The following ZSWIM2 variants were observed in gnomAD, a reference collection of about 807,000 sequenced individuals.
ZSWIM2 encodes E3 ubiquitin-protein ligase ZSWIM2.
A neutral mutation model predicts 48.4 loss-of-function variants in ZSWIM2; 38 were observed. That is an observed-to-expected ratio of 0.79 (90% CI 0.61 to 1.03). The LOEUF is 1.03. Among genes scored for constraint, ZSWIM2 ranks in the 50% least tolerant of loss-of-function variants. ZSWIM2 has a pLI of 0.00. For synonymous variants in ZSWIM2, 240 were observed against 251.3 expected (o/e 0.96, Z 0.42); for missense variants, 776 against 730.2 (o/e 1.06, Z -0.72).
In ZSWIM2 at chr2:186,839,062, C is replaced by T. The variant is rs1041232779; in HGVS notation, c.391G>A (p.Glu131Lys). The change falls in exon 4 of 9, where the codon GAA becomes AAA. Residue 131 changes from glutamate (E) to lysine (K), a missense_variant. Transcript: ENST00000295131. ...TTCTGTTTAATGTACCCATCTTCTT[C>T]AACATGTTCATTTTCGTCATTTGTT... The part of the protein sequence containing the change: ...PGTNDENEHV[E>K]EDGYIKQKEI... 3.1e-6 allele frequency: 5 copies of T among 1,611,814 alleles called. No homozygotes were observed. The highest frequency in any genetic ancestry group is 1.6e-4 in the Middle Eastern group (1 of 6,078).
At position 186,848,764 on chromosome 2, in the gene ZSWIM2, A is replaced by C. The variant is rs1574144532; in HGVS notation, c.165+202T>G. On this transcript the variant is annotated intron_variant, in intron 1 of 8. Transcript: ENST00000295131. ...TGCAGTTTGGTCTTAACCTCCAAAA[A>C]AGAAACTTCTAATAAATACTATTTC... 2.9e-5 allele frequency: 18 copies of C among 615,532 alleles called. No individual in the cohort carries two copies. The South Asian group carries it at 3.8e-4, about 13-fold the overall frequency. The allele number at this position is 615,532 out of a possible 1,614,324, so 38.1% of individuals were successfully genotyped here.
Position 186,828,695 on chromosome 2 carries a change from A to T in ZSWIM2, c.1191T>A (p.Asn397Lys). The T allele has an allele frequency of 6.2e-7, 1 of 1,613,030 alleles. No homozygotes were observed. The highest frequency in any genetic ancestry group is 1.1e-5 in the South Asian group (1 of 91,008). ...GATGTGCTTGTCCATTCACTGCTGAATTTTTCCAAGTTAAAGGGTTATATA... is the reference window on the plus strand; with the variant it reads ...GATGTGCTTGTCCATTCACTGCTGATTTTTTCCAAGTTAAAGGGTTATATA... ...QVIYNPLTWK[N>K]SAVNGQAHQS... Residue 397 changes from asparagine (N) to lysine (K), a missense_variant, in exon 9 of 9, where the codon AAT becomes AAA. By Grantham distance (94) the Asn-to-Lys change is moderately conservative. Coordinates refer to ENST00000295131, the MANE Select transcript of ZSWIM2 (RefSeq NM_182521.3).
chr2:186,834,080 G>A (rs752424883), intron 5 of ZSWIM2, 50 bp from the exon 6 acceptor site: 1 of 1,454,164 alleles, frequency 6.9e-7, no homozygotes. Flanking sequence ...TCCAATTATT[G>A]TGATGGTTTT....
At chr2:186,831,399 T>C (rs1470887149) in intron 7 of ZSWIM2, among the ~76,000 whole-genome samples, 1 of 136,102 alleles carries the variant, frequency 7.3e-6, no homozygotes. Context: ...TATAAATATA[T>C]ATTATATATA....
chr2:186,844,923 CTT>C (rs1364519100), intron 2 of ZSWIM2, among the ~76,000 whole-genome samples, 166 bp from the exon 3 acceptor site: 1 of 151,378 alleles, frequency 6.6e-6, no homozygotes, highest in African/African-American at 2.4e-5. Context: ...AGTTGTTAAA[CTT>C]ATGTTTTAAA....
chr2:186,836,823 A>G (rs986621832), intron 5 of ZSWIM2, among the ~76,000 whole-genome samples: 1 of 152,144 alleles, frequency 6.6e-6, no homozygotes, highest in African/African-American at 2.4e-5. Context: ...GATATGAAAT[A>G]AAACAAAACC....
At chr2:186,831,026 A>C (rs1427593958) in intron 7 of ZSWIM2, among the ~76,000 whole-genome samples, 1 of 152,132 alleles carries the variant, frequency 6.6e-6, no homozygotes, top group Non-Finnish European at 1.5e-5. Flanking sequence ...GTACTCTTTT[A>C]AGGTTGTTAC....
At chr2:186,846,993 T>C (rs1280053790) in intron 2 of ZSWIM2, among the ~76,000 whole-genome samples, 1 of 151,494 alleles carries the variant, frequency 6.6e-6, no homozygotes, top group East Asian at 1.9e-4. Flanking sequence ...CATGGACATA[T>C]AGAGTGAAAT....
chr2:186,836,662 C>A (rs1219088263), intron 5 of ZSWIM2, among the ~76,000 whole-genome samples: 4 of 152,010 alleles, frequency 2.6e-5, no homozygotes, highest in Non-Finnish European at 4.4e-5. Context: ...GTACTGTTAA[C>A]TTAAAATTTT....
At chr2:186,838,234 AAAAAT>A (rs1384902824) in intron 4 of ZSWIM2, among the ~76,000 whole-genome samples, 10 of 151,108 alleles carry the variant, frequency 6.6e-5, no homozygotes, top group Middle Eastern at 3.4e-3. Flanking sequence ...TAAAAAAATT[AAAAAT>A]AAAATAAAAT....
At position 186,844,763 on chromosome 2, in the gene ZSWIM2, A is replaced by G; in HGVS notation, c.243-6T>C. 1 of 1,556,196 alleles carries G rather than the reference A, an allele frequency of 6.4e-7. No individual in the cohort carries two copies. The highest frequency in any genetic ancestry group is 8.6e-7 in the Non-Finnish European group (1 of 1,157,008). Reference sequence around the variant, plus strand: ...TGAATTTTTTCAACAAGACCCTAACATTCACAAGTAGAAAAAAAATCAAGA... The same window carrying G: ...TGAATTTTTTCAACAAGACCCTAACGTTCACAAGTAGAAAAAAAATCAAGA... On this transcript the variant is annotated splice_polypyrimidine_tract_variant and splice_region_variant and intron_variant, in intron 2 of 8. Coordinates refer to ENST00000295131, the MANE Select transcript of ZSWIM2 (RefSeq NM_182521.3).
rs527345381 is a variant in ZSWIM2 at position 186,849,170 on chromosome 2, T to C, written c.-40A>G. On this transcript the variant is annotated 5_prime_UTR_variant, in exon 1 of 9. Coordinates refer to ENST00000295131, the MANE Select transcript of ZSWIM2 (RefSeq NM_182521.3). ...GAGGCGGCCCCTCTGCTCGGCTCAC[T>C]GAGGCGCCAGCCGGTCTCCAAGACG... The C allele has an allele frequency of 1.3e-6, 2 of 1,561,418 alleles. No homozygotes were observed. The highest frequency in any genetic ancestry group is 1.4e-5 in the African/African-American group (1 of 73,606).
chr2:186,842,641 C>T (rs376190473), intron 3 of ZSWIM2, among the ~76,000 whole-genome samples: 2 of 151,618 alleles, frequency 1.3e-5, no homozygotes, highest in East Asian at 3.9e-4. Flanking sequence ...TAGCAGAGCT[C>T]CTAGCTAATA....
At chr2:186,840,680 A>G (rs1456784516) in intron 3 of ZSWIM2, among the ~76,000 whole-genome samples, 1 of 151,540 alleles carries the variant, frequency 6.6e-6, no homozygotes, top group African/African-American at 2.4e-5. Flanking sequence ...ATTATATAAT[A>G]AAGAACAAAA....
Position 186,847,814 on chromosome 2 carries a change from T to C in ZSWIM2, c.166-19A>G, listed in dbSNP as rs1470373962. On this transcript the variant is annotated intron_variant, in intron 1 of 8. Transcript: ENST00000295131. Reference sequence around the variant, plus strand: ...GAAAAACCTTTAAAGGAAAAATGCATACTTAAAAAGACCAGTAAAATTTGA... The same window carrying C: ...GAAAAACCTTTAAAGGAAAAATGCACACTTAAAAAGACCAGTAAAATTTGA... 1 of 1,585,324 alleles carries C rather than the reference T, an allele frequency of 6.3e-7. No homozygotes were observed. Among genetic ancestry groups the C allele is most frequent in the Admixed American group, 1.7e-5 (1 of 57,504 alleles).
Position 186,844,737 on chromosome 2 carries a change from T to C in ZSWIM2, c.263A>G (p.Lys88Arg), listed in dbSNP as rs1176010203. 3 of 1,562,114 alleles carry C rather than the reference T, an allele frequency of 1.9e-6. No homozygotes were observed. The highest frequency in any genetic ancestry group is 1.3e-5 in the South Asian group (1 of 79,948). ...HICWVLLKKF[K>R]LPRNHESALQ... ...CTTACATTCATGGTTCCTTGGAAGC[T>C]TGAATTTTTTCAACAAGACCCTAAC... Residue 88 changes from lysine (K) to arginine (R), a missense_variant, in exon 3 of 9, where the codon AAG (lysine) becomes AGG (arginine). Physicochemically the swap from Lys to Arg is conservative, Grantham distance 26. Transcript: ENST00000295131.
rs1292100206 is a variant in ZSWIM2 at position 186,837,529 on chromosome 2, T to A, written c.520A>T (p.Ile174Leu). ...CRFGCGNSIH[I>L]KCMKILANYQ... ...TTAGCTAAGATCTTCATGCATTTTA[T>A]ATGAATACTATTGCCACAGCCAAAC... Residue 174 changes from isoleucine (I) to leucine (L), a missense_variant, in exon 5 of 9, where the codon ATA becomes TTA. Transcript: ENST00000295131. 1 of 1,610,810 alleles carries A rather than the reference T, an allele frequency of 6.2e-7. No homozygotes were observed. The highest frequency in any genetic ancestry group is 1.7e-5 in the Admixed American group (1 of 59,756).
At chr2:186,831,157 T>C (rs1052020707) in intron 7 of ZSWIM2, among the ~76,000 whole-genome samples, 1 of 152,068 alleles carries the variant, frequency 6.6e-6, no homozygotes, top group African/African-American at 2.4e-5. Flanking sequence ...AGTCCAACCG[T>C]TAGTTATACA....
At chr2:186,844,854 A>G (rs1691968044) in intron 2 of ZSWIM2, 97 bp from the exon 3 acceptor site, 1 of 1,055,172 alleles carries the variant, frequency 9.5e-7, no homozygotes, top group Non-Finnish European at 1.3e-6. Context: ...GAATTATAAG[A>G]TTTATATTAT....
Sources: gnomAD v4.1 joint callset for allele counts (sites outside exome capture counted in the v4.1 genomes callset) on GRCh38, gnomAD v4.1.1 for gene constraint, MANE v1.5 for transcripts, NCBI Gene and HGNC (gene_info 2026-07-23, HGNC 2026-07-21) for gene names.